KDM4C: variants seen among roughly 807,000 people sequenced by gnomAD.
KDM4C encodes the protein lysine demethylase 4C.
In KDM4C, 81 loss-of-function variants were observed where a neutral mutation model predicts 129.3. That is an observed-to-expected ratio of 0.63 (90% CI 0.52 to 0.75). The LOEUF is 0.75. KDM4C is among the 30% of genes least tolerant of loss of function. The pLI is 0.00. For missense variants in KDM4C, 1,457 were observed against 1,304.0 expected, an observed-to-expected ratio of 1.12 and a Z score of -1.81; for synonymous variants, 573 against 456.1, an observed-to-expected ratio of 1.26 and a Z score of -3.26.
At chr9:7,052,909 G>GAGAGAGAGAGAGAGAGAGAGAGAGAGAGA (rs767668455) in intron 17 of KDM4C, among the ~76,000 whole-genome samples, 4 of 100,182 alleles carry the variant, frequency 4.0e-5, no homozygotes, top group Non-Finnish European at 7.7e-5. Context: ...GAGCGAGCGA[G>GAGAGAGAGAGAGAGAGAGAGAGAGAGAGA]TGCCCAAGGG....
At chr9:7,169,399 G>C (rs1180783598) in intron 20 of KDM4C, among the ~76,000 whole-genome samples, 1 of 152,106 alleles carries the variant, frequency 6.6e-6, no homozygotes, top group Non-Finnish European at 1.5e-5. Flanking sequence ...GCAGTGGTGC[G>C]ATCTCAGCTC....
At chr9:7,113,761 C>G (rs1338901498) in intron 18 of KDM4C, among the ~76,000 whole-genome samples, 2 of 152,176 alleles carry the variant, frequency 1.3e-5, no homozygotes, top group Non-Finnish European at 2.9e-5. Flanking sequence ...TTATGTTGAT[C>G]AATCTTCAAA....
intron 8 of KDM4C, among the ~76,000 whole-genome samples, chr9:6,908,112 A>G (rs1002617300): frequency 3.9e-5 from 6 of 152,204 alleles, no homozygotes; most frequent in Non-Finnish European, 8.8e-5. Flanking sequence ...TGAAGAGAAG[A>G]TGATAAAAAT....
At chr9:7,005,435 C>CAAAAA (rs35671520) in intron 12 of KDM4C, among the ~76,000 whole-genome samples, 10 of 124,086 alleles carry the variant, frequency 8.1e-5, no homozygotes, top group African/African-American at 3.1e-4. Flanking sequence ...AACTCTGTCT[C>CAAAAA]AAAAAAAAAA....
intron 9 of KDM4C, chr9:6,982,196 T>G (rs1232154136): frequency 6.6e-6 from 1 of 150,806 alleles, no homozygotes; most frequent in Non-Finnish European, 1.5e-5. Flanking sequence ...TTGCCCAGAC[T>G]TATGATGCTT....
intron 8 of KDM4C, among the ~76,000 whole-genome samples, chr9:6,902,134 A>G (rs184605514): frequency 2.9e-4 from 44 of 152,314 alleles, no homozygotes; most frequent in East Asian, 7.7e-4. Flanking sequence ...TTTGAGTTCC[A>G]AAACATTAAC....
Position 6,737,279 on chromosome 9 carries a change from A to G in KDM4C, c.49+16282A>G, listed in dbSNP as rs147245562. On this transcript the variant is annotated intron_variant, in intron 1 of 17. Transcript: ENST00000536108. ...GACTGGGAAAAAATATTTGCAAACT[A>G]TGCATCCAACAAAGGTCTAATATCG... Among the ~76,000 whole-genome samples the G allele has an allele frequency of 7.7e-3, 1,171 of 152,198 alleles. 16 individuals carry two copies. The highest frequency in any genetic ancestry group is 0.027 in the African/African-American group (1,111 of 41,536).
rs370875767 is a variant in KDM4C at position 6,849,497 on chromosome 9, C to G, written c.436-10C>G. The G allele has an allele frequency of 2.7e-6, 4 of 1,502,720 alleles. No individual in the cohort carries two copies. Among genetic ancestry groups the G allele is most frequent in the African/African-American group, 1.4e-5 (1 of 71,600 alleles). 93.1% of individuals were successfully genotyped at this position (1,502,720 alleles called of 1,614,324 possible). A position where few individuals can be genotyped will look rare whatever the true frequency, so the allele number is the denominator to read the frequency against. The stretch of plus-strand genomic sequence containing the variant: ...TTGATTTCTCTCTCTTTTTTTCTCT[C>G]TCATTCCAGGGTGTGGATGAATGGA... On this transcript the variant is annotated splice_polypyrimidine_tract_variant and intron_variant, in intron 4 of 21. Coordinates refer to ENST00000381309, the MANE Select transcript of KDM4C (RefSeq NM_015061.6).
intron 9 of KDM4C, among the ~76,000 whole-genome samples, chr9:6,981,378 C>G (rs1294071535): frequency 6.6e-6 from 1 of 152,202 alleles, no homozygotes; most frequent in African/African-American, 2.4e-5. Flanking sequence ...TGTTAGACCA[C>G]TTACATGAAT....
intron 19 of KDM4C, among the ~76,000 whole-genome samples, chr9:7,155,376 A>G (rs1395295109): frequency 6.6e-6 from 1 of 152,136 alleles, no homozygotes; most frequent in Admixed American, 6.5e-5. Context: ...TTTAAATTAT[A>G]CTTTAAGTTC....
At chr9:7,114,253 C>T (rs754729734) in intron 18 of KDM4C, among the ~76,000 whole-genome samples, 30 of 152,062 alleles carry the variant, frequency 2.0e-4, no homozygotes, top group Non-Finnish European at 3.5e-4. Context: ...CTATACTACT[C>T]GGCTTTATTC....
At chr9:6,823,096 A>C (rs986652076) in intron 4 of KDM4C, among the ~76,000 whole-genome samples, 1 of 152,182 alleles carries the variant, frequency 6.6e-6, no homozygotes, top group African/African-American at 2.4e-5. Flanking sequence ...TGCTCATGCT[A>C]TTACCTTCAT....
At chr9:6,781,784 A>G (rs1480638824) in intron 1 of KDM4C, among the ~76,000 whole-genome samples, 1 of 152,016 alleles carries the variant, frequency 6.6e-6, no homozygotes, top group East Asian at 1.9e-4. Context: ...GACCATACAA[A>G]TGGTGATACA....
At chr9:6,791,914 C>T (rs566239864) in intron 1 of KDM4C, among the ~76,000 whole-genome samples, 3 of 152,062 alleles carry the variant, frequency 2.0e-5, no homozygotes, top group Non-Finnish European at 4.4e-5. Flanking sequence ...CCGAGCTACC[C>T]GGAAGGCTGA....
chr9:7,124,991 C>G (rs1490978832), intron 18 of KDM4C, among the ~76,000 whole-genome samples: 2 of 152,138 alleles, frequency 1.3e-5, no homozygotes, highest in African/African-American at 4.8e-5. Flanking sequence ...TAAGCTCCAC[C>G]AGCCCCTTGT....
At chr9:7,149,678 A>G (rs371341259) in intron 19 of KDM4C, among the ~76,000 whole-genome samples, 15 of 152,264 alleles carry the variant, frequency 9.9e-5, no homozygotes, top group African/African-American at 3.4e-4. Flanking sequence ...TGTGGTGCCC[A>G]GCACATAGTA....
At chr9:6,944,282 G>T (rs560290700) in intron 8 of KDM4C, among the ~76,000 whole-genome samples, 2 of 152,340 alleles carry the variant, frequency 1.3e-5, no homozygotes, top group Admixed American at 6.5e-5. Flanking sequence ...TAATATTACA[G>T]TGGTAGTTTA....
chr9:6,852,355 C>A (rs927415163), intron 5 of KDM4C, among the ~76,000 whole-genome samples: 3 of 152,186 alleles, frequency 2.0e-5, no homozygotes, highest in African/African-American at 7.2e-5. Context: ...TGCACTAGTG[C>A]ATGTGGCTTT....
intron 8 of KDM4C, among the ~76,000 whole-genome samples, chr9:6,953,092 A>G (rs1828468493): frequency 6.6e-6 from 1 of 152,254 alleles, no homozygotes; most frequent in South Asian, 2.1e-4. Flanking sequence ...TTTAGATGTT[A>G]GAAAATTCCT....
Sources: allele counts gnomAD v4.1 joint callset (sites outside exome capture counted in the v4.1 genomes callset), GRCh38; gene constraint gnomAD v4.1.1; transcripts MANE v1.5; gene names NCBI Gene and HGNC (gene_info 2026-07-23, HGNC 2026-07-21).